Variants in TRIM55 observed in about 807,000 individuals in gnomAD.
The protein encoded by TRIM55 is tripartite motif-containing protein 55.
Under a neutral mutation model 60.9 loss-of-function variants are expected in TRIM55, and 50 were observed. The observed-to-expected ratio is 0.82, with a 90% CI of 0.65 to 1.04. The LOEUF (loss-of-function observed/expected upper bound fraction) is 1.04, where lower values mean the gene tolerates loss of function less well. Among genes scored for constraint, TRIM55 ranks in the 50% least tolerant of loss-of-function variants. The pLI is 0.00. For synonymous variants in TRIM55, 237 were observed against 238.1 expected, an observed-to-expected ratio of 1.00 and a Z score of 0.04; for missense variants, 681 against 666.9, an observed-to-expected ratio of 1.02 and a Z score of -0.23.
At position 66,128,294 on chromosome 8, in the gene TRIM55, G is replaced by T. The variant is rs773648869; in HGVS notation, c.169-10G>T. On this transcript the variant is annotated splice_polypyrimidine_tract_variant and intron_variant, in intron 1 of 9. Transcript: ENST00000315962. ...TACCCAATTCCTTTTTTCTTACTTGGCAAGAACAGGCCTCTAACCCGTATT... is the reference window on the plus strand; with the variant it reads ...TACCCAATTCCTTTTTTCTTACTTGTCAAGAACAGGCCTCTAACCCGTATT... 3.8e-6 allele frequency: 6 copies of T among 1,565,776 alleles called. No individual in the cohort carries two copies. Among genetic ancestry groups the T allele is most frequent in the Admixed American group, 4.1e-5 (2 of 49,148 alleles).
At chr8:66,145,640 G>A (rs2128978347) in intron 4 of TRIM55, among the ~76,000 whole-genome samples, 1 of 151,976 alleles carries the variant, frequency 6.6e-6, no homozygotes, top group East Asian at 1.9e-4. Context: ...TCTACCTTAA[G>A]CATAGTGAAT....
chr8:66,113,421 G>A, the TRIM55 span: 3 of 438,318 alleles, frequency 6.8e-6, no homozygotes, highest in South Asian at 1.6e-5. Context: ...CTCAGCAGGA[G>A]ACATCCTTAG....
At chr8:66,155,558 G>A in intron 9 of TRIM55, 1 of 1,266,980 alleles carries the variant, frequency 7.9e-7, no homozygotes, top group Admixed American at 1.9e-5. Context: ...AAAGTCCATT[G>A]AAATAATGTT....
chr8:66,174,384 T>A (rs878936320), intron 9 of TRIM55, 87 bp from the exon 10 acceptor site: 1 of 1,115,230 alleles, frequency 9.0e-7, no homozygotes, highest in African/African-American at 1.6e-5. Flanking sequence ...ATTATTATTA[T>A]ACTTTCTCCT....
intron 9 of TRIM55, among the ~76,000 whole-genome samples, chr8:66,160,865 T>G (rs1023760129): frequency 6.7e-6 from 1 of 148,326 alleles, no homozygotes; most frequent in African/African-American, 2.6e-5. Flanking sequence ...TTGATGGGAT[T>G]GTTTTTTTTT....
chr8:66,140,446 G>A (rs1207733666), intron 4 of TRIM55, among the ~76,000 whole-genome samples: 1 of 152,212 alleles, frequency 6.6e-6, no homozygotes, highest in Non-Finnish European at 1.5e-5. Context: ...ATCAGTTTAG[G>A]TGGCTCATCT....
chr8:66,160,365 G>A (rs1254083889), intron 9 of TRIM55, among the ~76,000 whole-genome samples: 1 of 151,818 alleles, frequency 6.6e-6, no homozygotes, highest in Non-Finnish European at 1.5e-5. Context: ...TGGTGTGTGT[G>A]TGTGTGTGTG....
intron 9 of TRIM55, among the ~76,000 whole-genome samples, chr8:66,156,813 TGTGAGCA>T (rs1185040495): frequency 6.6e-6 from 1 of 152,172 alleles, no homozygotes; most frequent in Non-Finnish European, 1.5e-5. Flanking sequence ...TGGAACTGTG[TGTGAGCA>T]GGACCTGCCC....
At chr8:66,159,148 T>C (rs1810908549) in intron 9 of TRIM55, among the ~76,000 whole-genome samples, 1 of 152,262 alleles carries the variant, frequency 6.6e-6, no homozygotes. Context: ...TAGAATATTT[T>C]CATCACCCCA....
upstream of TRIM55, among the ~76,000 whole-genome samples, chr8:66,124,397 G>A (rs866516869): frequency 4.6e-5 from 7 of 152,284 alleles, no homozygotes; most frequent in East Asian, 1.9e-4. Context: ...GCTTGAGCGC[G>A]TGCCTGCACT....
chr8:66,138,002 G>A (rs1006371644), intron 4 of TRIM55, among the ~76,000 whole-genome samples: 2 of 152,170 alleles, frequency 1.3e-5, no homozygotes, highest in Non-Finnish European at 2.9e-5. Context: ...TCTGGGGCAG[G>A]TGCAAGACAC....
At chr8:66,161,663 ATTTG>A (rs1292244667) in intron 9 of TRIM55, among the ~76,000 whole-genome samples, 7 of 149,744 alleles carry the variant, frequency 4.7e-5, no homozygotes, top group African/African-American at 1.7e-4. Context: ...ATGTGTTTCC[ATTTG>A]TTTGTATCAT....
intron 9 of TRIM55, among the ~76,000 whole-genome samples, chr8:66,171,392 G>A (rs192028277): frequency 4.2e-4 from 64 of 152,164 alleles, no homozygotes; most frequent in African/African-American, 1.3e-3. Flanking sequence ...ATGGCCTCCC[G>A]CTACATCCAT....
intron 9 of TRIM55, chr8:66,155,780 G>T (rs932922255): frequency 4.7e-6 from 5 of 1,073,850 alleles, no homozygotes; most frequent in Non-Finnish European, 4.2e-6. Context: ...CTCTTCTATA[G>T]GCCCAGAGAT....
rs191183013 is a variant in TRIM55 at position 66,128,215 on chromosome 8, T to C, written c.169-89T>C. The C allele has an allele frequency of 9.3e-5, 115 of 1,242,204 alleles. 1 individual carries two copies. The Admixed American group carries it at 1.1e-3, about 12-fold the overall frequency. 76.9% of individuals were successfully genotyped at this position (1,242,204 alleles called of 1,614,324 possible). A position where few individuals can be genotyped will look rare whatever the true frequency, so the allele number is the denominator to read the frequency against. ...GGCAAGCTTAAAGTAGAAGTTCATGTTGTTTGTAGTAGCAGAGAGTGAAAA... is the reference window on the plus strand; with the variant it reads ...GGCAAGCTTAAAGTAGAAGTTCATGCTGTTTGTAGTAGCAGAGAGTGAAAA... On this transcript the variant is annotated intron_variant, in intron 1 of 9. Coordinates refer to ENST00000315962, the MANE Select transcript of TRIM55 (RefSeq NM_184085.2).
At chr8:66,147,216 G>A (rs1810139097) in intron 4 of TRIM55, among the ~76,000 whole-genome samples, 3 of 152,174 alleles carry the variant, frequency 2.0e-5, no homozygotes, top group Non-Finnish European at 4.4e-5. Flanking sequence ...CCAGAGTCTT[G>A]ACACAAATGA....
chr8:66,174,575 G>T lies in TRIM55; in HGVS notation c.1629G>T (p.Leu543Phe). 1 of 1,602,954 alleles carries T rather than the reference G, an allele frequency of 6.2e-7. No homozygotes were observed. The highest frequency in any genetic ancestry group is 1.1e-5 in the South Asian group (1 of 89,824). The change falls in exon 10 of 10, where the codon TTG becomes TTT. Residue 543 changes from leucine (L) to phenylalanine (F), a missense_variant. Leu to Phe is a conservative substitution (Grantham distance 22). Transcript: ENST00000315962. ...PARHIFSFSW[L>F]NSLNE ...GCCATATCTTCTCCTTTTCCTGGTT[G>T]AACTCCCTAAATGAATGATATTCAT...
At chr8:66,113,366 C>G in the TRIM55 span, 4 of 381,628 alleles carry the variant, frequency 1.0e-5, no homozygotes, top group Non-Finnish European at 2.1e-5. Flanking sequence ...ACGTACACGT[C>G]CCTTCGATAG....
the TRIM55 span, among the ~76,000 whole-genome samples, chr8:66,116,918 G>T: frequency 6.6e-6 from 1 of 152,142 alleles, no homozygotes; most frequent in African/African-American, 2.4e-5. Flanking sequence ...CAAAATTTTA[G>T]CTAAGTAAAT....
Sources: allele counts gnomAD v4.1 joint callset (sites outside exome capture counted in the v4.1 genomes callset), GRCh38; gene constraint gnomAD v4.1.1; transcripts MANE v1.5; gene names NCBI Gene and HGNC (gene_info 2026-07-23, HGNC 2026-07-21).